GALNT6: variants seen among roughly 807,000 people sequenced by gnomAD.
GALNT6 encodes the protein polypeptide N-acetylgalactosaminyltransferase 6.
GALNT6 carries 51 observed loss-of-function variants against 65.9 expected under a neutral mutation model. That is an observed-to-expected ratio of 0.77 (90% CI 0.62 to 0.98). The LOEUF (loss-of-function observed/expected upper bound fraction) is 0.98, where lower values mean the gene tolerates loss of function less well. Among genes scored for constraint, GALNT6 ranks in the 50% least tolerant of loss-of-function variants. GALNT6 has a pLI of 0.00. For missense variants in GALNT6, 708 were observed against 803.3 expected (o/e 0.88, Z 1.43); for synonymous variants, 323 against 315.1 (o/e 1.02, Z -0.26).
chr12:51,370,468 G>A (rs990267111), intron 4 of GALNT6, among the ~76,000 whole-genome samples: 1 of 152,220 alleles, frequency 6.6e-6, no homozygotes, highest in African/African-American at 2.4e-5. Flanking sequence ...CCAGGAGGTG[G>A]AGGTTGCGGT....
In GALNT6 at chr12:51,355,967, C is replaced by G; in HGVS notation, c.1603-9G>C. On this transcript the variant is annotated splice_polypyrimidine_tract_variant and intron_variant, in intron 10 of 11. Transcript: ENST00000356317. ...GTTGTGTACTCAAAGTACTGGAAATCAAGACAAGAGAAGCAGGTGGAGAGT... is the reference window on the plus strand; with the variant it reads ...GTTGTGTACTCAAAGTACTGGAAATGAAGACAAGAGAAGCAGGTGGAGAGT... The G allele has an allele frequency of 6.2e-7, 1 of 1,611,710 alleles. No homozygotes were observed. The highest frequency in any genetic ancestry group is 8.5e-7 in the Non-Finnish European group (1 of 1,178,508).
At chr12:51,367,358 C>T (rs887890442) in intron 4 of GALNT6, among the ~76,000 whole-genome samples, 3 of 152,120 alleles carry the variant, frequency 2.0e-5, no homozygotes, top group African/African-American at 7.2e-5. Context: ...CTGCTTGAAC[C>T]CAGGAGGTGG....
intron 4 of GALNT6, among the ~76,000 whole-genome samples, chr12:51,371,021 G>T (rs372625729): frequency 2.0e-5 from 3 of 151,236 alleles, no homozygotes; most frequent in South Asian, 4.2e-4. Flanking sequence ...GCTTACGGAG[G>T]TCTCACAATT....
Position 51,377,293 on chromosome 12 carries a change from G to A in GALNT6, c.566C>T (p.Ala189Val), listed in dbSNP as rs1947488557. 1 of 1,613,478 alleles carries A rather than the reference G, an allele frequency of 6.2e-7. No homozygotes were observed. ...CACTGTTCGCAGCAGTGTGGACCAGGCTTCGTTGTGGAACACAATGATCAC... is the reference window on the plus strand; with the variant it reads ...CACTGTTCGCAGCAGTGTGGACCAGACTTCGTTGTGGAACACAATGATCAC... ...TSVIIVFHNE[A>V]WSTLLRTVYS... Residue 189 changes from alanine to valine, a missense_variant, in exon 4 of 12, where the codon GCC becomes GTC. Ala to Val is a moderately conservative substitution (Grantham distance 64, BLOSUM62 0). Transcript: ENST00000356317.
chr12:51,359,258 G>C lies in GALNT6; in HGVS notation c.1242C>G (p.Pro414=). Residue 414 remains proline, a synonymous_variant, in exon 8 of 12, where the codon CCC becomes CCG. Transcript: ENST00000356317. ...VVGHVFRTKS[P]HTFPKGTSVI... ...CACTAGTGCCCTTGGGGAAGGTGTGGGGGCTCTTGGTCCGGAACACATGGC... is the reference window on the plus strand; with the variant it reads ...CACTAGTGCCCTTGGGGAAGGTGTGCGGGCTCTTGGTCCGGAACACATGGC... 1.2e-6 allele frequency: 2 copies of C among 1,614,098 alleles called. No individual in the cohort carries two copies.
chr12:51,352,277 T>C lies in GALNT6; in HGVS notation c.*2102A>G, dbSNP rs1946631827. On this transcript the variant is annotated 3_prime_UTR_variant, in exon 12 of 12. Coordinates refer to ENST00000356317, the MANE Select transcript of GALNT6 (RefSeq NM_007210.4). ...GATCAGCCTTCCAGACACGCTCAAC[T>C]CTGCACACTCTTCCTGCCGCCTCAG... is the stretch of plus-strand genomic sequence containing the variant. 6.6e-6 allele frequency: 1 copy of C among 152,268 alleles called. No homozygotes were observed. Among genetic ancestry groups the C allele is most frequent in the Non-Finnish European group, 1.5e-5 (1 of 68,124 alleles). 9.4% of individuals were successfully genotyped at this position (152,268 alleles called of 1,614,324 possible).
In GALNT6 at chr12:51,357,718, G is replaced by A. The variant is rs199547327; in HGVS notation, c.1501-268C>T. On this transcript the variant is annotated intron_variant, in intron 9 of 11. Coordinates refer to ENST00000356317, the MANE Select transcript of GALNT6 (RefSeq NM_007210.4). Reference sequence around the variant, plus strand: ...AACCTCCCAGGATGCCAGGTCCCTGGAAGAAGCCCTCAGCACGTGGGAGTT... The same window carrying A: ...AACCTCCCAGGATGCCAGGTCCCTGAAAGAAGCCCTCAGCACGTGGGAGTT... Among the ~76,000 whole-genome samples the A allele has an allele frequency of 5.3e-5, 8 of 152,246 alleles. No individual in the cohort carries two copies. In the East Asian group the frequency reaches 1.6e-3, roughly 30 times the overall value.
At chr12:51,383,038 G>T (rs1168200095) in intron 2 of GALNT6, among the ~76,000 whole-genome samples, 3 of 152,190 alleles carry the variant, frequency 2.0e-5, no homozygotes, top group African/African-American at 7.2e-5. Flanking sequence ...TTTGTACTTT[G>T]AACCCTGACT....
chr12:51,360,596 A>C, intron 7 of GALNT6, 125 bp downstream of exon 7: 1 of 687,832 alleles, frequency 1.5e-6, no homozygotes, highest in Non-Finnish European at 2.7e-6. Flanking sequence ...ACACACTGGG[A>C]AATAGCCACC....
At chr12:51,359,378 G>T in intron 7 of GALNT6, 46 bp from the exon 8 acceptor site, 1 of 1,349,372 alleles carries the variant, frequency 7.4e-7, no homozygotes, top group Non-Finnish European at 1.0e-6. Context: ...GGCTAGGTGA[G>T]ACAGTCTCCC....
At chr12:51,388,828 G>A (rs1219875394) in intron 2 of GALNT6, among the ~76,000 whole-genome samples, 1 of 152,164 alleles carries the variant, frequency 6.6e-6, no homozygotes, top group Non-Finnish European at 1.5e-5. Context: ...ATGCTATTTT[G>A]CTAGTCTGTT....
chr12:51,362,235 A>G (rs1946946739), intron 6 of GALNT6, among the ~76,000 whole-genome samples: 1 of 152,152 alleles, frequency 6.6e-6, no homozygotes, highest in Non-Finnish European at 1.5e-5. Context: ...CAGACCGAGA[A>G]GTCACTGATG....
rs770218207 is a variant in GALNT6, at chr12:51,358,129, C to A, written c.1500+1G>T. ...CAGGCAGGTTGGTTCTCAAGACTTA[C>A]GGCACCATAGAAGGTGGGCGTCAGG... On this transcript the variant is annotated splice_donor_variant, in intron 9 of 11. Coordinates refer to ENST00000356317, the MANE Select transcript of GALNT6 (RefSeq NM_007210.4). LOFTEE classifies it high-confidence loss of function. 5.6e-6 allele frequency: 9 copies of A among 1,612,636 alleles called. No homozygotes were observed. The African/African-American group carries it at 8.0e-5, about 14-fold the overall frequency.
In GALNT6 at chr12:51,351,283, T is replaced by A. The variant is rs1461535415; in HGVS notation, c.*3096A>T. 1 of 152,198 alleles carries A rather than the reference T, an allele frequency of 6.6e-6. No homozygotes were observed. Among genetic ancestry groups the A allele is most frequent in the Non-Finnish European group, 1.5e-5 (1 of 68,036 alleles). 9.4% of individuals were successfully genotyped at this position (152,198 alleles called of 1,614,324 possible). A position where few individuals can be genotyped will look rare whatever the true frequency, so the allele number is the denominator to read the frequency against. On this transcript the variant is annotated 3_prime_UTR_variant, in exon 12 of 12. Transcript: ENST00000356317. Reference sequence around the variant, plus strand: ...TACATTCATCTTTATACCAACATAGTCATAACATTAATTTTTTTTTGAATG... The same window carrying A: ...TACATTCATCTTTATACCAACATAGACATAACATTAATTTTTTTTTGAATG...
chr12:51,365,148 A>G lies in GALNT6; in HGVS notation c.814+282T>C, dbSNP rs74093875. Among the ~76,000 whole-genome samples the G allele has an allele frequency of 5.9e-3, 903 of 152,240 alleles. 11 individuals are homozygous for G. The highest frequency in any genetic ancestry group is 0.02 in the African/African-American group (843 of 41,548). On this transcript the variant is annotated intron_variant, in intron 5 of 11. Transcript: ENST00000356317. ...GGGCCAAGCTCAGAGCAAGGTGCAG[A>G]TGGGAGTACAGGGAGGGATGAATGT...
chr12:51,358,148 C>T lies in GALNT6; in HGVS notation c.1482G>A (p.Thr494=), dbSNP rs751738257. Residue 494 remains threonine, a synonymous_variant, in exon 9 of 12, where the codon ACG becomes ACA. Transcript: ENST00000356317. ...GACTTACGGCACCATAGAAGGTGGG[C>T]GTCAGGTCAGGAACAAACATCTCTG... The part of the protein sequence containing the change: ...VYPEMFVPDL[T]PTFYGAIKNL... 5.6e-6 allele frequency: 9 copies of T among 1,613,516 alleles called. No individual in the cohort carries two copies. The highest frequency in any genetic ancestry group is 1.1e-5 in the South Asian group (1 of 91,052).
In GALNT6 at chr12:51,379,365, C is replaced by A; in HGVS notation, c.417G>T (p.Lys139Asn). Residue 139 changes from lysine (K) to asparagine (N), a missense_variant, in exon 3 of 12, where the codon AAG becomes AAT. Coordinates refer to ENST00000356317, the MANE Select transcript of GALNT6 (RefSeq NM_007210.4). ...CGCTGGCAAAGGCATTGAAACAGTG[C>A]TTCTTATAGCCTTCTTCCTTTTCCT... is the stretch of plus-strand genomic sequence containing the variant. The part of the protein sequence containing the change: ...ETQEKEEGYK[K>N]HCFNAFASDR... 1 of 1,563,042 alleles carries A rather than the reference C, an allele frequency of 6.4e-7. No homozygotes were observed.
At position 51,390,869 on chromosome 12, in the gene GALNT6, C is replaced by A. The variant is rs1365017257; in HGVS notation, c.-123G>T. ...TCCTACCCTCTGCAGACGTCTGGGT[C>A]TGCGATGATTGGCCCTGGATGCAAG... is the stretch of plus-strand genomic sequence containing the variant. On this transcript the variant is annotated 5_prime_UTR_variant, in exon 2 of 12. Coordinates refer to ENST00000356317, the MANE Select transcript of GALNT6 (RefSeq NM_007210.4). 3 of 152,294 alleles carry A rather than the reference C, an allele frequency of 2.0e-5. No homozygotes were observed. Among genetic ancestry groups the A allele is most frequent in the Admixed American group, 1.3e-4 (2 of 15,280 alleles). The allele number at this position is 152,294 out of a possible 1,614,324, so 9.4% of individuals were successfully genotyped here. A position where few individuals can be genotyped will look rare whatever the true frequency, so the allele number is the denominator to read the frequency against.
chr12:51,355,408 T>C (rs759890211), intron 11 of GALNT6, among the ~76,000 whole-genome samples: 1 of 152,094 alleles, frequency 6.6e-6, no homozygotes, highest in Non-Finnish European at 1.5e-5. Flanking sequence ...CTCCACCCCA[T>C]GGCGTCTCAG....
Sources: allele counts gnomAD v4.1 joint callset (sites outside exome capture counted in the v4.1 genomes callset), GRCh38; gene constraint gnomAD v4.1.1; transcripts MANE v1.5; gene names NCBI Gene and HGNC (gene_info 2026-07-23, HGNC 2026-07-21).